CALN1: variants seen among roughly 807,000 people sequenced by gnomAD.
CALN1 encodes the protein calneuron 1, also known as calcium-binding protein 8.
CALN1 carries 17 observed loss-of-function variants against 30.6 expected under a neutral mutation model. That is an observed-to-expected ratio of 0.56 (90% confidence interval 0.38 to 0.83). The LOEUF (loss-of-function observed/expected upper bound fraction) is 0.83. CALN1 is among the 40% of genes least tolerant of loss of function. The pLI is 0.00. For synonymous variants in CALN1, 156 were observed against 131.4 expected (o/e 1.19, Z -1.28); for missense variants, 291 against 354.9 (o/e 0.82, Z 1.45).
chr7:72,387,455 T>G (rs1247276536), intron 2 of CALN1, among the ~76,000 whole-genome samples: 1 of 152,132 alleles, frequency 6.6e-6, no homozygotes, highest in Non-Finnish European at 1.5e-5. Context: ...AAGTTGTAAC[T>G]TCACGGTAGA....
chr7:71,887,061 T>A (rs1005118010), intron 5 of CALN1, among the ~76,000 whole-genome samples: 1 of 151,840 alleles, frequency 6.6e-6, no homozygotes, highest in Non-Finnish European at 1.5e-5. Context: ...CGGAGGAAAG[T>A]CTAAATAATG....
intron 2 of CALN1, among the ~76,000 whole-genome samples, chr7:72,347,455 G>A (rs1802707273): frequency 3.3e-5 from 5 of 151,856 alleles, no homozygotes; most frequent in South Asian, 2.1e-4. Context: ...TAGTAGAGAC[G>A]GGGTTTCTCT....
chr7:72,215,109 A>G (rs926896415), intron 3 of CALN1, among the ~76,000 whole-genome samples: 4 of 152,168 alleles, frequency 2.6e-5, no homozygotes, highest in African/African-American at 9.7e-5. Context: ...GCTCCATGGG[A>G]AAAAGCATCT....
chr7:72,337,280 C>A, intron 2 of CALN1: 2 of 985,322 alleles, frequency 2.0e-6, no homozygotes, highest in South Asian at 9.4e-5. Flanking sequence ...GGCTTCTGGG[C>A]TCGCCTTGGC....
intron 2 of CALN1, among the ~76,000 whole-genome samples, chr7:72,312,838 A>AT (rs35536629): frequency 0.43 from 64,697 of 149,020 alleles, 15,601 homozygotes; most frequent in South Asian, 0.67. Context: ...CCCTATCATA[A>AT]TTTTTTTTTT....
chr7:72,215,324 T>C (rs763175156), intron 3 of CALN1, among the ~76,000 whole-genome samples: 4 of 152,200 alleles, frequency 2.6e-5, no homozygotes, highest in Non-Finnish European at 5.9e-5. Context: ...CCAGAGGCAG[T>C]GGCTCACGCC....
intron 4 of CALN1, among the ~76,000 whole-genome samples, chr7:72,048,306 TG>T (rs1802611432): frequency 6.6e-6 from 1 of 152,180 alleles, no homozygotes; most frequent in African/African-American, 2.4e-5. Context: ...CCAAAAATGC[TG>T]GGATTACAGG....
intron 2 of CALN1, among the ~76,000 whole-genome samples, chr7:72,329,348 G>GA (rs1254723802): frequency 6.6e-6 from 1 of 152,202 alleles, no homozygotes; most frequent in East Asian, 1.9e-4. Flanking sequence ...TGGACAGCTG[G>GA]AGACAGGATG....
chr7:71,856,056 TGA>T (rs1368092412), intron 5 of CALN1, among the ~76,000 whole-genome samples: 1 of 151,982 alleles, frequency 6.6e-6, no homozygotes, highest in Non-Finnish European at 1.5e-5. Context: ...TGTATATATT[TGA>T]GAGTTTCAAA....
At chr7:72,305,289 C>T (rs911976262) in intron 2 of CALN1, among the ~76,000 whole-genome samples, 8 of 152,150 alleles carry the variant, frequency 5.3e-5, no homozygotes, top group African/African-American at 9.7e-5. Context: ...GCTGGCCTGC[C>T]GACAGGAATG....
At chr7:72,342,414 T>A (rs1192776523) in intron 2 of CALN1, among the ~76,000 whole-genome samples, 2 of 152,226 alleles carry the variant, frequency 1.3e-5, no homozygotes, top group Non-Finnish European at 2.9e-5. Context: ...CTCCAACTTT[T>A]ATTCAATATA....
chr7:72,064,328 A>T (rs963036029), intron 4 of CALN1, among the ~76,000 whole-genome samples: 1 of 152,138 alleles, frequency 6.6e-6, no homozygotes, highest in Non-Finnish European at 1.5e-5. Flanking sequence ...AATAAAAATG[A>T]AAACTCGTTT....
chr7:72,172,697 C>A (rs1001814831), intron 3 of CALN1, among the ~76,000 whole-genome samples: 1 of 152,180 alleles, frequency 6.6e-6, no homozygotes, highest in East Asian at 1.9e-4. Flanking sequence ...ATTCTTACGA[C>A]CATTTCAATG....
At chr7:72,368,806 ACC>A (rs1379459366) in intron 2 of CALN1, among the ~76,000 whole-genome samples, 3 of 144,136 alleles carry the variant, frequency 2.1e-5, no homozygotes, top group South Asian at 2.2e-4. Context: ...ATGGTTTGAA[ACC>A]CTTTTTTTTT....
chr7:72,356,101 T>G (rs1198880158), intron 2 of CALN1, among the ~76,000 whole-genome samples: 1 of 152,212 alleles, frequency 6.6e-6, no homozygotes, highest in African/African-American at 2.4e-5. Flanking sequence ...CCCATAGATA[T>G]GCACAATTAT....
rs182559764 is a variant in CALN1 at position 72,350,139 on chromosome 7, C to T, written c.119+53112G>A. Among the ~76,000 whole-genome samples, 315 of 152,164 alleles carry T rather than the reference C, an allele frequency of 2.1e-3. 3 individuals are homozygous for T. The highest frequency in any genetic ancestry group is 7.4e-3 in the African/African-American group (306 of 41,496). ...TTTGCATATGTTAAAAGGAAGGGGT[C>T]CAGTTTCAATCTACTGCTTTGGCTA... On this transcript the variant is annotated intron_variant, in intron 2 of 6. Transcript: ENST00000395275.
intron 4 of CALN1, among the ~76,000 whole-genome samples, chr7:72,027,694 A>G (rs894900985): frequency 3.4e-5 from 5 of 149,062 alleles, no homozygotes; most frequent in African/African-American, 5.0e-5. Flanking sequence ...CTGGGTTGAC[A>G]GAGTGAGACC....
chr7:71,879,924 A>G (rs1239822992), intron 5 of CALN1, among the ~76,000 whole-genome samples: 1 of 152,174 alleles, frequency 6.6e-6, no homozygotes, highest in African/African-American at 2.4e-5. Flanking sequence ...TTTGGAGTAT[A>G]TCCATCTATG....
intron 3 of CALN1, among the ~76,000 whole-genome samples, chr7:72,166,785 G>A (rs1305251432): frequency 6.6e-6 from 1 of 152,186 alleles, no homozygotes; most frequent in South Asian, 2.1e-4. Flanking sequence ...GCTCACGCCA[G>A]TAATCCCAGC....
Sources: allele counts gnomAD v4.1 joint callset (sites outside exome capture counted in the v4.1 genomes callset), GRCh38; gene constraint gnomAD v4.1.1; transcripts MANE v1.5; gene names NCBI Gene and HGNC (gene_info 2026-07-23, HGNC 2026-07-21).